Variants in CSNK1G3 observed in about 807,000 individuals in gnomAD.
CSNK1G3 encodes the protein casein kinase 1 gamma 3, also known as casein kinase I isoform gamma-3.
CSNK1G3 carries 23 observed loss-of-function variants against 64.3 expected under a neutral mutation model. The observed-to-expected ratio is 0.36, with a 90% confidence interval of 0.26 to 0.51. The LOEUF is 0.51. CSNK1G3 is among the 20% of genes least tolerant of loss of function. The pLI is 0.96. For missense variants in CSNK1G3, 357 were observed against 510.5 expected, an observed-to-expected ratio of 0.70 and a Z score of 2.90; for synonymous variants, 158 against 162.2, an observed-to-expected ratio of 0.97 and a Z score of 0.20.
At chr5:123,597,537 A>G (rs1793659483) in intron 10 of CSNK1G3, among the ~76,000 whole-genome samples, 1 of 152,096 alleles carries the variant, frequency 6.6e-6, no homozygotes, top group South Asian at 2.1e-4. Flanking sequence ...ACTGAAAATC[A>G]TTCCAGGCTG....
exon 13 of CSNK1G3, chr5:123,614,371 G>A: frequency 6.2e-7 from 1 of 1,613,192 alleles, no homozygotes; most frequent in East Asian, 2.2e-5. Flanking sequence ...CGAAGGAAAA[G>A]GAAAACCATA....
chr5:123,555,942 A>G (rs1784541909), intron 3 of CSNK1G3, among the ~76,000 whole-genome samples: 1 of 152,176 alleles, frequency 6.6e-6, no homozygotes, highest in African/African-American at 2.4e-5. Context: ...TATGTATAGA[A>G]GGCACTGTTT....
chr5:123,571,819 C>A (rs1788170346), intron 4 of CSNK1G3, among the ~76,000 whole-genome samples: 1 of 152,100 alleles, frequency 6.6e-6, no homozygotes, highest in South Asian at 2.1e-4. Context: ...GGAAGAAGTT[C>A]ATTTTTTCAT....
chr5:123,569,434 C>T (rs1331712497), intron 4 of CSNK1G3, among the ~76,000 whole-genome samples: 1 of 152,190 alleles, frequency 6.6e-6, no homozygotes, highest in African/African-American at 2.4e-5. Flanking sequence ...TATTCTCATA[C>T]ATTAAAATCC....
chr5:123,614,666 A>C (rs1427929876), exon 13 of CSNK1G3: 1 of 325,324 alleles, frequency 3.1e-6, no homozygotes, highest in African/African-American at 2.2e-5. Context: ...AGGTGGTATC[A>C]ATGAATATAG....
intron 1 of CSNK1G3, among the ~76,000 whole-genome samples, chr5:123,542,648 A>G (rs1781856467): frequency 1.3e-5 from 2 of 152,160 alleles, no homozygotes; most frequent in South Asian, 4.1e-4. Context: ...ACCTGTGGCA[A>G]AAAGAGGGGA....
exon 6 of CSNK1G3, chr5:123,575,834 C>T (rs572480997): frequency 1.2e-6 from 2 of 1,613,504 alleles, no homozygotes; most frequent in Admixed American, 1.7e-5. Flanking sequence ...GCAAGTTATT[C>T]ACATTATAGA....
intron 4 of CSNK1G3, among the ~76,000 whole-genome samples, chr5:123,573,132 G>A (rs1788456851): frequency 6.6e-6 from 1 of 152,194 alleles, no homozygotes; most frequent in South Asian, 2.1e-4. Context: ...TAATAAGGTG[G>A]TAGAGAGAAA....
At chr5:123,574,905 C>T (rs1477095656) in intron 5 of CSNK1G3, among the ~76,000 whole-genome samples, 1 of 152,070 alleles carries the variant, frequency 6.6e-6, no homozygotes, top group East Asian at 1.9e-4. Flanking sequence ...TGCAAATGCT[C>T]ATATCATTAA....
chr5:123,605,421 A>G, intron 12 of CSNK1G3, 59 bp downstream of exon 13: 1 of 1,573,984 alleles, frequency 6.4e-7, no homozygotes, highest in Non-Finnish European at 8.6e-7. Context: ...TCAAAGATTT[A>G]GCATCATTTT....
intron 10 of CSNK1G3, among the ~76,000 whole-genome samples, chr5:123,603,347 G>T (rs1258798386): frequency 6.6e-6 from 1 of 151,988 alleles, no homozygotes; most frequent in Non-Finnish European, 1.5e-5. Context: ...AAGAGAATTT[G>T]GGAGAATTTG....
In CSNK1G3 at chr5:123,545,499, C is replaced by T. The variant is rs1000070508; in HGVS notation, c.-165C>T. 1.2e-4 allele frequency: 59 copies of T among 490,964 alleles called. No individual in the cohort carries two copies. The highest frequency in any genetic ancestry group is 5.7e-4 in the African/African-American group (30 of 52,202). The allele number at this position is 490,964 out of a possible 1,614,324, so 30.4% of individuals were successfully genotyped here. A position where few individuals can be genotyped will look rare whatever the true frequency, so the allele number is the denominator to read the frequency against. On this transcript the variant is annotated 5_prime_UTR_variant, in exon 2 of 13. It adds an upstream start codon to the 5' untranslated region. Transcript: ENST00000345990. The stretch of plus-strand genomic sequence containing the variant: ...TGAAAAGACACTAAGAAAAATTTTA[C>T]GAATGGGATGAACATGCTCCAGTTA...
chr5:123,552,114 T>C (rs1164819809), intron 2 of CSNK1G3, among the ~76,000 whole-genome samples: 1 of 151,952 alleles, frequency 6.6e-6, no homozygotes, highest in African/African-American at 2.4e-5. Context: ...TTTTAAATAT[T>C]TTATGTAATC....
chr5:123,603,822 T>C (rs1260380985), intron 10 of CSNK1G3, among the ~76,000 whole-genome samples: 2 of 152,134 alleles, frequency 1.3e-5, no homozygotes, highest in East Asian at 1.9e-4. Flanking sequence ...TCAGAGAAGA[T>C]GGTGTAAGCT....
At position 123,588,164 on chromosome 5, in the gene CSNK1G3, T is replaced by C. The variant is rs1372155257; in HGVS notation, c.759+11T>C. 2 of 1,550,416 alleles carry C rather than the reference T, an allele frequency of 1.3e-6. No homozygotes were observed. The highest frequency in any genetic ancestry group is 1.8e-6 in the Non-Finnish European group (2 of 1,124,524). On this transcript the variant is annotated intron_variant, in intron 7 of 12. Coordinates refer to ENST00000345990, the Ensembl canonical transcript of CSNK1G3. ...TGGCAAGGCTTAAAGGTAATTGTTT[T>C]TGTGTTTCTTTATTGAATTTCATAA...
At position 123,614,520 on chromosome 5, in the gene CSNK1G3, A is replaced by G. The variant is rs890574294; in HGVS notation, c.*124A>G. ...TCACTCTTAGAAACAAAAATGTCATACTTTCATACTTCATTTTGTGGTTGT... is the reference window on the plus strand; with the variant it reads ...TCACTCTTAGAAACAAAAATGTCATGCTTTCATACTTCATTTTGTGGTTGT... On this transcript the variant is annotated 3_prime_UTR_variant, in exon 13 of 13. Transcript: ENST00000345990. 1.8e-4 allele frequency: 128 copies of G among 701,834 alleles called. No individual in the cohort carries two copies. In the African/African-American group the frequency reaches 2.2e-3, roughly 12 times the overall value. 43.5% of individuals were successfully genotyped at this position (701,834 alleles called of 1,614,324 possible).
At chr5:123,573,426 G>T in exon 5 of CSNK1G3, 2 of 1,613,990 alleles carry the variant, frequency 1.2e-6, no homozygotes, top group Non-Finnish European at 1.7e-6. Context: ...TTCGGCCCTT[G>T]TGGTAAATAC....
intron 1 of CSNK1G3, among the ~76,000 whole-genome samples, chr5:123,538,310 C>G (rs890715940): frequency 2.6e-5 from 4 of 152,080 alleles, no homozygotes; most frequent in Non-Finnish European, 5.9e-5. Context: ...TTTGAGAGTT[C>G]CAGTTCTTCA....
rs142113232 is a variant in CSNK1G3 at position 123,603,593 on chromosome 5, A to T, written c.1087-1131A>T. 3.7e-3 allele frequency among the ~76,000 whole-genome samples: 564 copies of T among 152,280 alleles called. 3 individuals carry two copies. Among genetic ancestry groups the T allele is most frequent in the Middle Eastern group, 6.8e-3 (2 of 294 alleles). ...ATGAATACTGATAAATACTGTACAA[A>T]TAATTTAAAATAGGGTGTAACATAA... is the stretch of plus-strand genomic sequence containing the variant. On this transcript the variant is annotated intron_variant, in intron 10 of 12. Transcript: ENST00000345990.
Sources: allele counts gnomAD v4.1 joint callset (sites outside exome capture counted in the v4.1 genomes callset), GRCh38; gene constraint gnomAD v4.1.1; transcripts MANE v1.5; gene names NCBI Gene and HGNC (gene_info 2026-07-23, HGNC 2026-07-21).